Variants in FOLH1 observed in about 807,000 individuals in gnomAD.
The protein encoded by FOLH1 is folate hydrolase 1, also known as glutamate carboxypeptidase 2.
FOLH1 carries 54 observed loss-of-function variants against 93.9 expected under a neutral mutation model. The observed-to-expected ratio is 0.57, with a 90% CI of 0.46 to 0.72. The LOEUF (loss-of-function observed/expected upper bound fraction) is 0.72, where lower values mean the gene tolerates loss of function less well. Among genes scored for constraint, FOLH1 ranks in the 30% least tolerant of loss-of-function variants. FOLH1 has a pLI of 0.00. For missense variants in FOLH1, 571 were observed against 892.5 expected, an observed-to-expected ratio of 0.64 and a Z score of 4.59; for synonymous variants, 249 against 303.6, an observed-to-expected ratio of 0.82 and a Z score of 1.87.
Position 49,187,245 on chromosome 11 carries a change from A to G in FOLH1, c.514-476T>C, listed in dbSNP as rs564740543. On this transcript the variant is annotated intron_variant, in intron 4 of 18. Coordinates refer to ENST00000256999, the MANE Select transcript of FOLH1 (RefSeq NM_004476.3). Reference sequence around the variant, plus strand: ...TCATTGCTTCACAGGTCTGATTTCAATCATTAAGTGATTATGTGCAAATCT... The same window carrying G: ...TCATTGCTTCACAGGTCTGATTTCAGTCATTAAGTGATTATGTGCAAATCT... Among the ~76,000 whole-genome samples the G allele has an allele frequency of 2.6e-5, 4 of 152,312 alleles. No individual in the cohort carries two copies. In the South Asian group the frequency reaches 8.3e-4, roughly 32 times the overall value.
chr11:49,171,409 T>G (rs1408238320), intron 10 of FOLH1, 132 bp from the exon 11 acceptor site: 1 of 1,248,762 alleles, frequency 8.0e-7, no homozygotes, highest in Non-Finnish European at 1.1e-6. Context: ...TAGTAAAAAA[T>G]CTTTACTTAC....
At chr11:49,182,898 C>T (rs542607746) in intron 7 of FOLH1, among the ~76,000 whole-genome samples, 1 of 152,122 alleles carries the variant, frequency 6.6e-6, no homozygotes, top group East Asian at 1.9e-4. Context: ...ATGTCTGGAG[C>T]AATTGATCAA....
In FOLH1 at chr11:49,145,429, T is replaced by G. The variant is rs1855742237; in HGVS notation, c.*1327A>C. On this transcript the variant is annotated 3_prime_UTR_variant, in exon 19 of 19. Transcript: ENST00000256999. Reference sequence around the variant, plus strand: ...TATGGCACCCACTTCCTGAAGTTCATGGTGGCCAGGAGAACCCAGCGGCCA... The same window carrying G: ...TATGGCACCCACTTCCTGAAGTTCAGGGTGGCCAGGAGAACCCAGCGGCCA... 6.6e-6 allele frequency among the ~76,000 whole-genome samples: 1 copy of G among 152,168 alleles called. No individual in the cohort carries two copies. Among genetic ancestry groups the G allele is most frequent in the African/African-American group, 2.4e-5 (1 of 41,444 alleles).
chr11:49,154,945 G>C (rs1365656290), intron 15 of FOLH1, among the ~76,000 whole-genome samples: 3 of 151,982 alleles, frequency 2.0e-5, no homozygotes, highest in African/African-American at 7.2e-5. Flanking sequence ...TGTCTGACAA[G>C]CAGTGTACTG....
At chr11:49,156,947 T>C in intron 14 of FOLH1, 140 bp from the exon 15 acceptor site, 2 of 1,408,436 alleles carry the variant, frequency 1.4e-6, no homozygotes, top group South Asian at 2.9e-5. Context: ...AGCAAAAACA[T>C]GAAAAGAATA....
At chr11:49,185,920 T>C in intron 5 of FOLH1, 65 bp from the exon 6 acceptor site, 51 of 1,484,598 alleles carry the variant, frequency 3.4e-5, no homozygotes, top group Non-Finnish European at 4.4e-5. Context: ...GTAATATCAA[T>C]TTTCAATATT....
In FOLH1 at chr11:49,146,345, G is replaced by T. The variant is rs1224246781; in HGVS notation, c.*411C>A. 6.6e-6 allele frequency among the ~76,000 whole-genome samples: 1 copy of T among 152,196 alleles called. No homozygotes were observed. Among genetic ancestry groups the T allele is most frequent in the Admixed American group, 6.5e-5 (1 of 15,268 alleles). On this transcript the variant is annotated 3_prime_UTR_variant, in exon 19 of 19. Transcript: ENST00000256999. Reference sequence around the variant, plus strand: ...ATAGTGATCCTCTCAGCCCAGGCTGGCCAGGTAGGCCGTGAGGCCTCTGGC... The same window carrying T: ...ATAGTGATCCTCTCAGCCCAGGCTGTCCAGGTAGGCCGTGAGGCCTCTGGC...
chr11:49,182,646 G>T (rs991809601), intron 7 of FOLH1, among the ~76,000 whole-genome samples: 2 of 152,206 alleles, frequency 1.3e-5, no homozygotes, highest in South Asian at 4.1e-4. Flanking sequence ...TCCTTAGACT[G>T]CAAGGTAGGT....
At chr11:49,157,827 T>C (rs1394258108) in intron 14 of FOLH1, 125 bp downstream of exon 14, 4 of 869,218 alleles carry the variant, frequency 4.6e-6, no homozygotes, top group Non-Finnish European at 6.8e-6. Context: ...AAGTAATGCT[T>C]TTCTTTATCA....
chr11:49,164,655 A>C, intron 13 of FOLH1, 50 bp downstream of exon 13: 1 of 1,311,872 alleles, frequency 7.6e-7, no homozygotes. Context: ...ACCTCAAGAA[A>C]ACATCATTTG....
intron 12 of FOLH1, 51 bp downstream of exon 12, chr11:49,169,144 T>C: frequency 6.3e-7 from 1 of 1,582,490 alleles, no homozygotes. Context: ...TTAACTAGAC[T>C]GCTGCTCCTA....
At chr11:49,199,449 T>A (rs1431156694) in intron 3 of FOLH1, among the ~76,000 whole-genome samples, 1 of 152,194 alleles carries the variant, frequency 6.6e-6, no homozygotes. Flanking sequence ...AAACTTGTCC[T>A]CTCCAAATGT....
chr11:49,192,727 G>T, intron 4 of FOLH1, 66 bp downstream of exon 4: 1 of 1,369,908 alleles, frequency 7.3e-7, no homozygotes, highest in Non-Finnish European at 1.0e-6. Flanking sequence ...TTTAATTATC[G>T]GCTGAACATA....
At position 49,185,857 on chromosome 11, in the gene FOLH1, T is replaced by G. The variant is rs770112718; in HGVS notation, c.640-2A>C. 4.6e-6 allele frequency: 7 copies of G among 1,529,514 alleles called. No individual in the cohort carries two copies. Among genetic ancestry groups the G allele is most frequent in the Non-Finnish European group, 8.7e-7 (1 of 1,144,904 alleles). 94.7% of individuals were successfully genotyped at this position (1,529,514 alleles called of 1,614,324 possible). Reference sequence around the variant, plus strand: ...CCCTGCCAGCTGGGCATTTTTAACCTAGAAAACACAGTGTCTTTCTTTCCT... The same window carrying G: ...CCCTGCCAGCTGGGCATTTTTAACCGAGAAAACACAGTGTCTTTCTTTCCT... On this transcript the variant is annotated splice_acceptor_variant, in intron 5 of 18. Coordinates refer to ENST00000256999, the MANE Select transcript of FOLH1 (RefSeq NM_004476.3). LOFTEE classifies it high-confidence loss of function.
chr11:49,167,357 G>A (rs1858534132), intron 12 of FOLH1, among the ~76,000 whole-genome samples: 2 of 152,146 alleles, frequency 1.3e-5, no homozygotes, highest in African/African-American at 2.4e-5. Flanking sequence ...AAAGTAAGTA[G>A]CTTGGGTCAC....
Position 49,175,845 on chromosome 11 carries a change from A to T in FOLH1, c.1019+14T>A. On this transcript the variant is annotated intron_variant, in intron 8 of 18. Transcript: ENST00000256999. The stretch of plus-strand genomic sequence containing the variant: ...TCCCCCTTAAAAGAGTTAAAATTAA[A>T]ATAGTCTCTTAACTGTGTAGAAAAG... The T allele has an allele frequency of 6.2e-7, 1 of 1,600,160 alleles. No individual in the cohort carries two copies. Among genetic ancestry groups the T allele is most frequent in the Non-Finnish European group, 8.5e-7 (1 of 1,175,270 alleles).
At chr11:49,156,011 C>G (rs1440619298) in intron 15 of FOLH1, among the ~76,000 whole-genome samples, 1 of 151,376 alleles carries the variant, frequency 6.6e-6, no homozygotes, top group Non-Finnish European at 1.5e-5. Context: ...TTTTCCTGCA[C>G]TGCTCTCGTG....
rs749809918 is a variant in FOLH1 at position 49,174,960 on chromosome 11, A to T, written c.1037T>A (p.Ile346Asn). The T allele has an allele frequency of 1.9e-6, 3 of 1,610,322 alleles. No homozygotes were observed. The Admixed American group carries it at 5.0e-5, about 27-fold the overall frequency. The part of the protein sequence containing the change: ...NFSTQKVKMH[I>N]HSTNEVTRIY... ...TCTTGTCACTTCATTGGTAGAGTGGATGTGCATCTTGACTTTTCTAATGCA... is the reference window on the plus strand; with the variant it reads ...TCTTGTCACTTCATTGGTAGAGTGGTTGTGCATCTTGACTTTTCTAATGCA... Residue 346 changes from isoleucine (I) to asparagine (N), a missense_variant, in exon 9 of 19, where the codon ATC (isoleucine) becomes AAC (asparagine). This residue lies in a region of FOLH1 where 500 missense variants were observed against 822.9 expected (regional missense o/e 0.61). Coordinates refer to ENST00000256999, the MANE Select transcript of FOLH1 (RefSeq NM_004476.3).
intron 1 of FOLH1, chr11:49,206,800 A>C (rs1864022253): frequency 6.5e-7 from 1 of 1,535,774 alleles, no homozygotes; most frequent in African/African-American, 1.4e-5. Context: ...CCAGACACCC[A>C]GTGCACGCAT....
Sources: gnomAD v4.1 joint callset for allele counts (sites outside exome capture counted in the v4.1 genomes callset) on GRCh38, gnomAD v4.1.1 for gene constraint, gnomAD v4.1.1 regional missense constraint, MANE v1.5 for transcripts, NCBI Gene and HGNC (gene_info 2026-07-23, HGNC 2026-07-21) for gene names.